The following TENM3 variants were observed in gnomAD, a reference collection of about 807,000 sequenced individuals.
The protein encoded by TENM3 is teneurin transmembrane protein 3.
In TENM3, 63 loss-of-function variants were observed where a neutral mutation model predicts 255.1. The observed-to-expected ratio is 0.25, with a 90% CI of 0.20 to 0.30. The LOEUF is 0.30. Among genes scored for constraint, TENM3 ranks in the 10% least tolerant of loss-of-function variants. The pLI is 1.00. For synonymous variants in TENM3, 1,306 were observed against 1,322.3 expected (o/e 0.99, Z 0.27); for missense variants, 2,929 against 3,461.1 (o/e 0.85, Z 3.86).
intron 3 of TENM3, among the ~76,000 whole-genome samples, chr4:182,405,121 G>A (rs140056532): frequency 2.0e-5 from 3 of 152,228 alleles, no homozygotes; most frequent in Middle Eastern, 3.4e-3. Context: ...GGTATTAGGC[G>A]TCATTACTCA....
At chr4:181,733,221 T>C in the TENM3 span, among the ~76,000 whole-genome samples, 1 of 152,172 alleles carries the variant, frequency 6.6e-6, no homozygotes, top group Non-Finnish European at 1.5e-5. Context: ...TGAAGAAAGG[T>C]ACATAGATGT....
chr4:182,222,637 G>A (rs1366771120), intron 1 of TENM3, among the ~76,000 whole-genome samples: 2 of 152,194 alleles, frequency 1.3e-5, no homozygotes, highest in Non-Finnish European at 2.9e-5. Flanking sequence ...AAGAAATCGT[G>A]CATCATCATA....
chr4:182,297,805 AAGCAT>A (rs1761591578), intron 1 of TENM3, among the ~76,000 whole-genome samples: 1 of 152,238 alleles, frequency 6.6e-6, no homozygotes, highest in South Asian at 2.1e-4. Context: ...GCCAGGATCC[AAGCAT>A]AGCTCAGTTC....
the TENM3 span, among the ~76,000 whole-genome samples, chr4:182,078,103 G>A: frequency 1.3e-5 from 2 of 152,288 alleles, no homozygotes; most frequent in South Asian, 4.1e-4. Flanking sequence ...GCCCATGCCT[G>A]TAGTCCCAGC....
At chr4:182,183,694 G>C (rs1395335512) in intron 1 of TENM3, among the ~76,000 whole-genome samples, 2 of 152,022 alleles carry the variant, frequency 1.3e-5, no homozygotes, top group African/African-American at 4.8e-5. Context: ...TTACAGAACT[G>C]TCCCAAGTAG....
chr4:182,781,739 A>G (rs1765184787), intron 24 of TENM3, among the ~76,000 whole-genome samples: 1 of 146,770 alleles, frequency 6.8e-6, no homozygotes, highest in African/African-American at 2.5e-5. Flanking sequence ...AGATCCTGTT[A>G]TTGGTCTATT....
At chr4:182,256,913 T>TAA (rs111995629) in intron 1 of TENM3, among the ~76,000 whole-genome samples, 4 of 146,080 alleles carry the variant, frequency 2.7e-5, no homozygotes, top group Admixed American at 1.4e-4. Flanking sequence ...AAATAATTAT[T>TAA]AAAAAAAAAA....
chr4:181,997,789 G>C, the TENM3 span, among the ~76,000 whole-genome samples: 1 of 152,148 alleles, frequency 6.6e-6, no homozygotes, highest in Non-Finnish European at 1.5e-5. Flanking sequence ...CTCTTCCACA[G>C]AGATTTAAGA....
chr4:181,500,661 A>C, the TENM3 span, among the ~76,000 whole-genome samples: 4 of 152,194 alleles, frequency 2.6e-5, no homozygotes, highest in African/African-American at 9.6e-5. Flanking sequence ...AGTATAATCC[A>C]CTTTGCGCTC....
chr4:182,684,626 G>C (rs1756436246), intron 11 of TENM3, among the ~76,000 whole-genome samples: 1 of 152,102 alleles, frequency 6.6e-6, no homozygotes, highest in Non-Finnish European at 1.5e-5. Context: ...ACCTTAGACA[G>C]TAAGTGCTCA....
chr4:182,715,955 T>C (rs1759128905), intron 13 of TENM3, among the ~76,000 whole-genome samples: 1 of 152,220 alleles, frequency 6.6e-6, no homozygotes, highest in Admixed American at 6.5e-5. Context: ...AGCCTTTCCT[T>C]CCTGCTCCGG....
At chr4:181,493,226 T>C in the TENM3 span, among the ~76,000 whole-genome samples, 4 of 149,874 alleles carry the variant, frequency 2.7e-5, no homozygotes, top group Non-Finnish European at 3.0e-5. Flanking sequence ...AACCCAGGAG[T>C]TCAAAGTTAC....
chr4:182,800,053 G>A lies in TENM3; in HGVS notation c.7802G>A (p.Gly2601Asp). 1 of 1,602,194 alleles carries A rather than the reference G, an allele frequency of 6.2e-7. No homozygotes were observed. Among genetic ancestry groups the A allele is most frequent in the Non-Finnish European group, 8.5e-7 (1 of 1,175,272 alleles). The change falls in exon 28 of 28, where the codon GGC (glycine) becomes GAC (aspartate). Residue 2601 changes from glycine (G) to aspartate (D), a missense_variant. By Grantham distance (94) the Gly-to-Asp change is moderately conservative. This residue lies in a region of TENM3 where 476 missense variants were observed against 480.1 expected (regional missense o/e 0.99). Coordinates refer to ENST00000511685, the MANE Select transcript of TENM3 (RefSeq NM_001080477.4). Reference sequence around the variant, plus strand: ...TTCGCGGACGTGGAGATGCAGTTCGGCGCGCTGGCGCTGCACGTGCGCTAC... The same window carrying A: ...TTCGCGGACGTGGAGATGCAGTTCGACGCGCTGGCGCTGCACGTGCGCTAC... ...RRFADVEMQF[G>D]ALALHVRYGM...
intron 1 of TENM3, among the ~76,000 whole-genome samples, chr4:182,215,200 G>C (rs1755372847): frequency 6.6e-6 from 1 of 152,136 alleles, no homozygotes; most frequent in Non-Finnish European, 1.5e-5. Context: ...TAGTGGGCAA[G>C]GACAAGCAGT....
At chr4:181,478,363 T>C in the TENM3 span, among the ~76,000 whole-genome samples, 4 of 152,370 alleles carry the variant, frequency 2.6e-5, no homozygotes, top group African/African-American at 9.6e-5. Context: ...ATGGCATCTT[T>C]AAGTGAACTC....
intron 18 of TENM3, among the ~76,000 whole-genome samples, chr4:182,741,171 A>G (rs1219966180): frequency 2.0e-5 from 3 of 152,336 alleles, no homozygotes; most frequent in African/African-American, 7.2e-5. Context: ...GCAAGACTCC[A>G]TCTCAAAAAT....
chr4:182,746,047 G>A lies in TENM3; in HGVS notation c.3629+2628G>A, dbSNP rs116611223. Reference sequence around the variant, plus strand: ...GTTTTATATGGATATTTAATTACATGAAATCAATCAGCGTTAACTGATCAC... The same window carrying A: ...GTTTTATATGGATATTTAATTACATAAAATCAATCAGCGTTAACTGATCAC... On this transcript the variant is annotated intron_variant, in intron 19 of 27. Coordinates refer to ENST00000511685, the MANE Select transcript of TENM3 (RefSeq NM_001080477.4). Among the ~76,000 whole-genome samples, 793 of 152,212 alleles carry A rather than the reference G, an allele frequency of 5.2e-3. 5 individuals are homozygous for A. The highest frequency in any genetic ancestry group is 0.027 in the Middle Eastern group (8 of 294).
chr4:182,237,375 C>CTTTTTTTTTTTTTT (rs57257112), intron 1 of TENM3, among the ~76,000 whole-genome samples: 33 of 148,124 alleles, frequency 2.2e-4, no homozygotes, highest in African/African-American at 7.3e-4. Context: ...ATTCTGTTTT[C>CTTTTTTTTTTTTTT]TTTTTTTTGA....
the TENM3 span, among the ~76,000 whole-genome samples, chr4:181,539,383 A>T: frequency 6.6e-6 from 1 of 152,234 alleles, no homozygotes; most frequent in Admixed American, 6.5e-5. Context: ...CAAATAGATG[A>T]TTGCAGAATA....
Sources: gnomAD v4.1 joint callset for allele counts (sites outside exome capture counted in the v4.1 genomes callset) on GRCh38, gnomAD v4.1.1 for gene constraint, gnomAD v4.1.1 regional missense constraint, MANE v1.5 for transcripts, NCBI Gene and HGNC (gene_info 2026-07-23, HGNC 2026-07-21) for gene names.